The following MIPOL1 variants were observed in gnomAD, a reference collection of about 807,000 sequenced individuals.
MIPOL1 encodes mirror-image polydactyly gene 1 protein.
In MIPOL1, 57 loss-of-function variants were observed where a neutral mutation model predicts 60.9. The ratio of observed to expected loss-of-function variants is 0.94; its 90% CI spans 0.76 to 1.17. MIPOL1 has a LOEUF of 1.17. MIPOL1 is among the 50% of genes most tolerant of loss of function. The pLI, the probability that MIPOL1 is intolerant of heterozygous loss-of-function variation, is 0.00. For missense variants in MIPOL1, 551 were observed against 511.6 expected, an observed-to-expected ratio of 1.08 and a Z score of -0.74; for synonymous variants, 179 against 168.8, an observed-to-expected ratio of 1.06 and a Z score of -0.47.
chr14:37,292,389 G>T (rs1483975420), intron 7 of MIPOL1, among the ~76,000 whole-genome samples: 1 of 149,518 alleles, frequency 6.7e-6, no homozygotes, highest in East Asian at 2.0e-4. Flanking sequence ...TTTGCATCTT[G>T]CTCATACTTG....
chr14:37,337,044 A>G (rs2090180023), intron 9 of MIPOL1, among the ~76,000 whole-genome samples: 1 of 151,890 alleles, frequency 6.6e-6, no homozygotes, highest in African/African-American at 2.4e-5. Context: ...TAACAGCTAG[A>G]CATGATGTAC....
intron 9 of MIPOL1, among the ~76,000 whole-genome samples, chr14:37,366,143 T>TC (rs1410751503): frequency 6.6e-6 from 1 of 151,998 alleles, no homozygotes; most frequent in African/African-American, 2.4e-5. Context: ...GTATTTTTTT[T>TC]CATTTCAAAT....
intron 9 of MIPOL1, among the ~76,000 whole-genome samples, chr14:37,367,232 C>T (rs527664767): frequency 6.6e-6 from 1 of 151,746 alleles, no homozygotes; most frequent in Non-Finnish European, 1.5e-5. Context: ...TAAAAAGAAA[C>T]AAACCAGTAT....
chr14:37,269,405 A>C (rs912296727), intron 5 of MIPOL1, among the ~76,000 whole-genome samples: 4 of 151,802 alleles, frequency 2.6e-5, no homozygotes, highest in Non-Finnish European at 5.9e-5. Context: ...TAACCTCTAC[A>C]TACTGCTCTG....
intron 3 of MIPOL1, among the ~76,000 whole-genome samples, chr14:37,255,445 A>G (rs1157118045): frequency 6.6e-6 from 1 of 151,846 alleles, no homozygotes; most frequent in African/African-American, 2.4e-5. Context: ...TGATAAAATT[A>G]TATATTTTAT....
In MIPOL1 at chr14:37,547,063, C is replaced by A; in HGVS notation, c.*92C>A. On this transcript the variant is annotated 3_prime_UTR_variant, in exon 13 of 13. Coordinates refer to ENST00000684589, the MANE Select transcript of MIPOL1 (RefSeq NM_001388067.1). ...TGTAAACACCAAAGCCTTAACTTAG[C>A]AAACAGTTGTTAGAAGTGGGACACT... 9.2e-7 allele frequency: 1 copy of A among 1,090,820 alleles called. No individual in the cohort carries two copies. The highest frequency in any genetic ancestry group is 1.4e-6 in the Non-Finnish European group (1 of 727,882). The allele number at this position is 1,090,820 out of a possible 1,614,324, so 67.6% of individuals were successfully genotyped here. A position where few individuals can be genotyped will look rare whatever the true frequency, so the allele number is the denominator to read the frequency against.
intron 11 of MIPOL1, among the ~76,000 whole-genome samples, chr14:37,450,360 A>C (rs2094399577): frequency 6.6e-6 from 1 of 152,152 alleles, no homozygotes. Context: ...CTCTTCAAGT[A>C]ATTTCCAAAC....
chr14:37,414,075 A>C (rs2093723866), intron 10 of MIPOL1, among the ~76,000 whole-genome samples: 1 of 152,096 alleles, frequency 6.6e-6, no homozygotes, highest in African/African-American at 2.4e-5. Context: ...GAAGTGTTGG[A>C]GTTTTTGTAT....
chr14:37,461,156 G>GTTT (rs2153581843), intron 11 of MIPOL1, among the ~76,000 whole-genome samples: 3 of 152,228 alleles, frequency 2.0e-5, no homozygotes, highest in African/African-American at 7.2e-5. Flanking sequence ...GTATTAGTCT[G>GTTT]TTTTCACACT....
chr14:37,515,437 G>A (rs913665355), intron 12 of MIPOL1, among the ~76,000 whole-genome samples: 1 of 151,614 alleles, frequency 6.6e-6, no homozygotes, highest in African/African-American at 2.4e-5. Flanking sequence ...AATTTTTTTA[G>A]TTGCTTTGGC....
At chr14:37,357,337 T>C (rs1438391603) in intron 9 of MIPOL1, among the ~76,000 whole-genome samples, 1 of 152,192 alleles carries the variant, frequency 6.6e-6, no homozygotes, top group Non-Finnish European at 1.5e-5. Context: ...CCATTTTTGC[T>C]TTGGTTGCCT....
chr14:37,386,714 A>G (rs1458168540), intron 10 of MIPOL1, among the ~76,000 whole-genome samples: 4 of 152,012 alleles, frequency 2.6e-5, no homozygotes, highest in African/African-American at 4.8e-5. Flanking sequence ...TTGTTAATGT[A>G]GTAGAGAACA....
chr14:37,443,481 AAAGG>A (rs1227907594), intron 11 of MIPOL1, among the ~76,000 whole-genome samples: 4 of 150,614 alleles, frequency 2.7e-5, no homozygotes, highest in East Asian at 2.0e-4. Context: ...AAAAAAAAAA[AAAGG>A]AGGAGGAAGA....
At chr14:37,375,448 G>T (rs1245590465) in intron 10 of MIPOL1, among the ~76,000 whole-genome samples, 1 of 152,000 alleles carries the variant, frequency 6.6e-6, no homozygotes, top group Non-Finnish European at 1.5e-5. Context: ...ACCTCCCACA[G>T]TGCGGGGATT....
chr14:37,526,046 G>C (rs746880178), intron 12 of MIPOL1, among the ~76,000 whole-genome samples: 5 of 152,154 alleles, frequency 3.3e-5, no homozygotes, highest in Admixed American at 6.5e-5. Context: ...ATTTCTAAGA[G>C]AGTATGGCAT....
chr14:37,499,039 T>C (rs1594745012), intron 11 of MIPOL1, among the ~76,000 whole-genome samples: 1 of 152,152 alleles, frequency 6.6e-6, no homozygotes, highest in East Asian at 1.9e-4. Flanking sequence ...TTCCTTTGTA[T>C]GCATATACTG....
At chr14:37,231,568 T>C (rs59508104) in intron 1 of MIPOL1, among the ~76,000 whole-genome samples, 6,703 of 152,240 alleles carry the variant, frequency 0.044, 284 homozygotes, top group Admixed American at 0.099. Context: ...AGTTGATTTC[T>C]CTACTTAAAA....
chr14:37,229,908 A>G (rs1191321621), intron 1 of MIPOL1, among the ~76,000 whole-genome samples: 1 of 152,176 alleles, frequency 6.6e-6, no homozygotes, highest in African/African-American at 2.4e-5. Context: ...ATCAGGGGCT[A>G]AAGGTTGGGG....
chr14:37,467,368 T>G (rs937291145), intron 11 of MIPOL1, among the ~76,000 whole-genome samples: 8 of 152,226 alleles, frequency 5.3e-5, no homozygotes, highest in African/African-American at 1.9e-4. Flanking sequence ...ATCATCTTGG[T>G]GTAAATGATT....
Sources: allele counts gnomAD v4.1 joint callset (sites outside exome capture counted in the v4.1 genomes callset), GRCh38; gene constraint gnomAD v4.1.1; transcripts MANE v1.5; gene names NCBI Gene and HGNC (gene_info 2026-07-23, HGNC 2026-07-21).